Variants in DDR2 observed in about 807,000 individuals in gnomAD.
DDR2 encodes discoidin domain-containing receptor 2.
Under a neutral mutation model 94.9 loss-of-function variants are expected in DDR2, and 27 were observed. That is an observed-to-expected ratio of 0.28 (90% confidence interval 0.21 to 0.39). The LOEUF is 0.39. Ranked by LOEUF, DDR2 falls within the 10% of genes least tolerant of loss-of-function variation. The pLI is 1.00. For synonymous variants in DDR2, 382 were observed against 377.2 expected, an observed-to-expected ratio of 1.01 and a Z score of -0.15; for missense variants, 783 against 1,076.0, an observed-to-expected ratio of 0.73 and a Z score of 3.81.
Position 162,780,065 on chromosome 1 carries a change from T to TTC in DDR2, c.2434-31_2434-30dup, listed in dbSNP as rs555765842. 11,286 of 1,577,058 alleles carry TTC rather than the reference T, an allele frequency of 7.2e-3. 26 individuals carry two copies. The highest frequency in any genetic ancestry group is 8.7e-3 in the Non-Finnish European group (10,008 of 1,151,116). On this transcript the variant is annotated intron_variant, in intron 17 of 17. Transcript: ENST00000367921. ...TTCCCTTTCCCCCGTCTTTGTAATA[T>TTC]TCTCTCTCTCTCTCTCTTTTGTTTT...
intron 13 of DDR2, 59 bp from the exon 14 acceptor site, chr1:162,773,410 G>A: frequency 6.2e-7 from 1 of 1,607,398 alleles, no homozygotes; most frequent in Non-Finnish European, 8.5e-7. Context: ...TGCCCAGCAA[G>A]AGTACTGAGA....
intron 2 of DDR2, among the ~76,000 whole-genome samples, chr1:162,700,853 A>G (rs993723367): frequency 6.6e-6 from 1 of 152,180 alleles, no homozygotes; most frequent in African/African-American, 2.4e-5. Context: ...GCTTATAGCT[A>G]CTGGTTGAGA....
rs374714432 is a variant in DDR2 at position 162,693,733 on chromosome 1, T to C, written c.-27-25304T>C. Among the ~76,000 whole-genome samples, 45 of 152,244 alleles carry C rather than the reference T, an allele frequency of 3.0e-4. 1 individual carries two copies. In the Middle Eastern group the frequency reaches 0.01, roughly 35 times the overall value. On this transcript the variant is annotated intron_variant, in intron 2 of 17. Transcript: ENST00000367921. ...GAAGAGGACCTCTGACCAGGCAGCC[T>C]TGGAGCCAGAGCCTGGATGAAGTGA... is the stretch of plus-strand genomic sequence containing the variant.
chr1:162,736,533 G>A (rs1275910511), intron 3 of DDR2, among the ~76,000 whole-genome samples: 1 of 152,162 alleles, frequency 6.6e-6, no homozygotes, highest in Non-Finnish European at 1.5e-5. Context: ...TGGGAAACAT[G>A]AAATATTGGG....
At chr1:162,721,084 G>A (rs2102034946) in intron 3 of DDR2, among the ~76,000 whole-genome samples, 1 of 152,234 alleles carries the variant, frequency 6.6e-6, no homozygotes, top group South Asian at 2.1e-4. Context: ...AATTGTTGAT[G>A]TTTGGTTGCC....
At chr1:162,738,056 A>G (rs1250825571) in intron 3 of DDR2, among the ~76,000 whole-genome samples, 2 of 151,428 alleles carry the variant, frequency 1.3e-5, no homozygotes, top group Non-Finnish European at 2.9e-5. Flanking sequence ...CAAGACAGGG[A>G]TGCCCTCTCT....
chr1:162,743,669 A>C (rs1210788970), intron 3 of DDR2, among the ~76,000 whole-genome samples: 1 of 152,244 alleles, frequency 6.6e-6, no homozygotes, highest in East Asian at 1.9e-4. Flanking sequence ...AAATCTTCAA[A>C]ATTATCTTTC....
intron 3 of DDR2, among the ~76,000 whole-genome samples, chr1:162,719,566 C>T (rs1661324939): frequency 6.6e-6 from 1 of 152,132 alleles, no homozygotes; most frequent in Non-Finnish European, 1.5e-5. Context: ...TTTTGGGATC[C>T]TGGTCCTGTG....
At chr1:162,768,248 G>A (rs953409990) in intron 11 of DDR2, among the ~76,000 whole-genome samples, 11 of 152,156 alleles carry the variant, frequency 7.2e-5, no homozygotes, top group Non-Finnish European at 1.6e-4. Context: ...GGACCAAATA[G>A]CAACTCCCTT....
intron 2 of DDR2, among the ~76,000 whole-genome samples, chr1:162,717,023 A>T (rs948386881): frequency 2.0e-5 from 3 of 152,022 alleles, no homozygotes; most frequent in African/African-American, 4.8e-5. Flanking sequence ...GGAATTTTTT[A>T]AAAATCACTT....
At chr1:162,702,229 A>G (rs1244886983) in intron 2 of DDR2, among the ~76,000 whole-genome samples, 1 of 152,006 alleles carries the variant, frequency 6.6e-6, no homozygotes, top group East Asian at 1.9e-4. Flanking sequence ...GTTCGTTGCA[A>G]TTATTGTCAC....
At chr1:162,639,126 T>G (rs1447258915) in intron 1 of DDR2, among the ~76,000 whole-genome samples, 1 of 152,114 alleles carries the variant, frequency 6.6e-6, no homozygotes, top group East Asian at 1.9e-4. Context: ...CCACCATGAC[T>G]GGCCTCAACC....
intron 2 of DDR2, among the ~76,000 whole-genome samples, chr1:162,696,477 T>A (rs73022598): frequency 0.053 from 7,971 of 151,820 alleles, 330 homozygotes; most frequent in East Asian, 0.18. Context: ...CTTTCCCTTC[T>A]GTTTCCCTCT....
At chr1:162,669,567 T>C (rs1165510715) in intron 2 of DDR2, among the ~76,000 whole-genome samples, 3 of 152,258 alleles carry the variant, frequency 2.0e-5, no homozygotes, top group Non-Finnish European at 4.4e-5. Context: ...TCAGCAACAA[T>C]AACATTAGTT....
chr1:162,736,932 G>T (rs1662325944), intron 3 of DDR2, among the ~76,000 whole-genome samples: 1 of 152,184 alleles, frequency 6.6e-6, no homozygotes, highest in Non-Finnish European at 1.5e-5. Context: ...TAAGGACAAG[G>T]TCCAAGACAG....
intron 3 of DDR2, among the ~76,000 whole-genome samples, chr1:162,749,594 C>G (rs1663074021): frequency 1.3e-5 from 2 of 152,194 alleles, no homozygotes; most frequent in African/African-American, 4.8e-5. Context: ...ATAGCTGGTA[C>G]CATTCCTTCT....
In DDR2 at chr1:162,667,642, G is replaced by C. The variant is rs181244911; in HGVS notation, c.-28+12268G>C. On this transcript the variant is annotated intron_variant, in intron 2 of 17. Transcript: ENST00000367921. ...GGTGAGTGAGGGACCAGCATAAGAA[G>C]AGCTGTCCTTTAACTAGTTACCATG... Among the ~76,000 whole-genome samples the C allele has an allele frequency of 3.9e-5, 6 of 152,314 alleles. No homozygotes were observed. The East Asian group carries it at 1.2e-3, about 29-fold the overall frequency.
intron 14 of DDR2, among the ~76,000 whole-genome samples, 157 bp downstream of exon 14, chr1:162,773,753 C>A (rs562693303): frequency 6.6e-6 from 1 of 152,240 alleles, no homozygotes; most frequent in South Asian, 2.1e-4. Flanking sequence ...CCGATGGGGT[C>A]GGCAGTCCTC....
At chr1:162,765,528 T>C (rs1192498761) in intron 9 of DDR2, among the ~76,000 whole-genome samples, 1 of 152,016 alleles carries the variant, frequency 6.6e-6, no homozygotes, top group Non-Finnish European at 1.5e-5. Flanking sequence ...TAAATATCTA[T>C]AAAGATTAAG....
Sources: allele counts gnomAD v4.1 joint callset (sites outside exome capture counted in the v4.1 genomes callset), GRCh38; gene constraint gnomAD v4.1.1; transcripts MANE v1.5; gene names NCBI Gene and HGNC (gene_info 2026-07-23, HGNC 2026-07-21).